The following AHR variants were observed in gnomAD, a reference collection of about 807,000 sequenced individuals.
AHR encodes the protein AH-receptor.
AHR carries 40 observed loss-of-function variants against 86.8 expected under a neutral mutation model. That is an observed-to-expected ratio of 0.46 (90% CI 0.36 to 0.60). The LOEUF (loss-of-function observed/expected upper bound fraction) is 0.60, where lower values mean the gene tolerates loss of function less well. AHR is among the 20% of genes least tolerant of loss of function. The pLI, the probability that AHR is intolerant of heterozygous loss-of-function variation, is 0.00. For missense variants in AHR, 1,001 were observed against 1,011.6 expected, an observed-to-expected ratio of 0.99 and a Z score of 0.14; for synonymous variants, 398 against 354.9, an observed-to-expected ratio of 1.12 and a Z score of -1.37.
chr7:17,318,456 T>A (rs1318092873), intron 2 of AHR, among the ~76,000 whole-genome samples: 3 of 152,168 alleles, frequency 2.0e-5, no homozygotes, highest in Non-Finnish European at 2.9e-5. Context: ...TTATTTGTAT[T>A]GTACGACTCC....
At chr7:17,308,113 A>G (rs922248200) in intron 1 of AHR, among the ~76,000 whole-genome samples, 2 of 152,166 alleles carry the variant, frequency 1.3e-5, no homozygotes, top group Non-Finnish European at 1.5e-5. Context: ...CTCCATGACA[A>G]CAGGAGCTTT....
At chr7:17,308,968 T>A (rs1341234113) in intron 1 of AHR, among the ~76,000 whole-genome samples, 1 of 152,242 alleles carries the variant, frequency 6.6e-6, no homozygotes, top group African/African-American at 2.4e-5. Context: ...ATTACTCTTC[T>A]GGCTAACAGG....
At chr7:17,312,469 T>C (rs975427367) in intron 2 of AHR, among the ~76,000 whole-genome samples, 15 of 152,160 alleles carry the variant, frequency 9.9e-5, no homozygotes, top group Non-Finnish European at 2.1e-4. Flanking sequence ...TAAACAGATA[T>C]ATTTCTATAT....
At chr7:17,330,139 C>A in intron 5 of AHR, 64 bp downstream of exon 5, 1 of 1,501,474 alleles carries the variant, frequency 6.7e-7, no homozygotes. Flanking sequence ...TGAAAGGAGG[C>A]TGGGAACCTG....
chr7:17,330,196 G>T, intron 5 of AHR, 121 bp downstream of exon 5: 1 of 999,188 alleles, frequency 1.0e-6, no homozygotes, highest in Non-Finnish European at 1.4e-6. Context: ...AAGATGTAAA[G>T]TCTGCAATCA....
In AHR at chr7:17,340,359, A is replaced by G. The variant is rs1309443248; in HGVS notation, c.2403+131A>G. On this transcript the variant is annotated intron_variant, in intron 10 of 10. Coordinates refer to ENST00000242057, the MANE Select transcript of AHR (RefSeq NM_001621.5). Reference sequence around the variant, plus strand: ...ATTCATGGAGACAGCATTTTTTATTATATCTGTGACTACCTTTTTTTTTTT... The same window carrying G: ...ATTCATGGAGACAGCATTTTTTATTGTATCTGTGACTACCTTTTTTTTTTT... 13 of 1,242,208 alleles carry G rather than the reference A, an allele frequency of 1.0e-5. No homozygotes were observed. The African/African-American group carries it at 1.1e-4, about 10-fold the overall frequency. The allele number at this position is 1,242,208 out of a possible 1,614,324, so 76.9% of individuals were successfully genotyped here.
chr7:17,310,619 C>A (rs1026012928), intron 2 of AHR, among the ~76,000 whole-genome samples: 1 of 151,490 alleles, frequency 6.6e-6, no homozygotes, highest in Admixed American at 6.6e-5. Flanking sequence ...ACTGCAACCT[C>A]TGACTCCCGG....
intron 3 of AHR, among the ~76,000 whole-genome samples, chr7:17,326,919 TAAA>T (rs1258055171): frequency 6.6e-6 from 1 of 152,062 alleles, no homozygotes; most frequent in Non-Finnish European, 1.5e-5. Context: ...CTTGTAGAAT[TAAA>T]ATATATGATA....
At chr7:17,308,805 C>G (rs1416368878) in intron 1 of AHR, among the ~76,000 whole-genome samples, 1 of 152,080 alleles carries the variant, frequency 6.6e-6, no homozygotes, top group East Asian at 1.9e-4. Flanking sequence ...AGTATTACTT[C>G]TCCACATACA....
intron 1 of AHR, among the ~76,000 whole-genome samples, chr7:17,302,745 A>C (rs1417636074): frequency 6.6e-6 from 1 of 151,794 alleles, no homozygotes; most frequent in Non-Finnish European, 1.5e-5. Context: ...AAGTTTCTTG[A>C]CCAATAAAGC....
intron 2 of AHR, among the ~76,000 whole-genome samples, chr7:17,319,272 G>C (rs1642079892): frequency 6.6e-6 from 1 of 151,984 alleles, no homozygotes; most frequent in Non-Finnish European, 1.5e-5. Flanking sequence ...CATTACCCTG[G>C]TATTGTACAT....
intron 1 of AHR, among the ~76,000 whole-genome samples, chr7:17,306,748 C>T (rs1782009930): frequency 6.6e-6 from 1 of 152,110 alleles, no homozygotes; most frequent in Non-Finnish European, 1.5e-5. Context: ...CTCTTCCTTA[C>T]TTCCTATAGT....
At chr7:17,308,807 C>G (rs1358451954) in intron 1 of AHR, among the ~76,000 whole-genome samples, 1 of 152,036 alleles carries the variant, frequency 6.6e-6, no homozygotes, top group Non-Finnish European at 1.5e-5. Context: ...TATTACTTCT[C>G]CACATACATC....
Position 17,298,987 on chromosome 7 carries a change from G to C in AHR, c.-278G>C, listed in dbSNP as rs542258665. On this transcript the variant is annotated 5_prime_UTR_variant, in exon 1 of 11. Transcript: ENST00000242057. ...CCGCGCCGCCTCCGCCGGTGTAGAC[G>C]GCACCTGCGCCGCCTTGCTCGCGGG... The C allele has an allele frequency of 3.5e-4, 158 of 455,164 alleles. 1 individual carries two copies. The highest frequency in any genetic ancestry group is 2.7e-3 in the African/African-American group (134 of 48,886). The allele number at this position is 455,164 out of a possible 1,614,324, so 28.2% of individuals were successfully genotyped here. A position where few individuals can be genotyped will look rare whatever the true frequency, so the allele number is the denominator to read the frequency against.
At chr7:17,306,966 G>A (rs991185857) in intron 1 of AHR, among the ~76,000 whole-genome samples, 2 of 152,120 alleles carry the variant, frequency 1.3e-5, no homozygotes, top group Admixed American at 1.3e-4. Flanking sequence ...AGAAATAAGG[G>A]TGTTAGGCAA....
At chr7:17,330,699 G>C in intron 5 of AHR, 57 bp from the exon 6 acceptor site, 1 of 1,462,014 alleles carries the variant, frequency 6.8e-7, no homozygotes, top group Non-Finnish European at 9.1e-7. Context: ...ACCTATTCAA[G>C]TGCTTAATTT....
In AHR at chr7:17,339,471, A is replaced by G. The variant is rs1367181021; in HGVS notation, c.1646A>G (p.Asp549Gly). The G allele has an allele frequency of 5.0e-6, 8 of 1,614,088 alleles. No individual in the cohort carries two copies. Among genetic ancestry groups the G allele is most frequent in the Non-Finnish European group, 6.8e-6 (8 of 1,180,048 alleles). ...LYSIMKNLGIDFEDIRHMQNE... is the reference protein window; with the variant it reads ...LYSIMKNLGIGFEDIRHMQNE... ...AGCATAATGAAAAACCTAGGCATTG[A>G]TTTTGAAGACATCAGACACATGCAG... is the stretch of plus-strand genomic sequence containing the variant. Residue 549 changes from aspartate to glycine, a missense_variant, in exon 10 of 11, where the codon GAT becomes GGT. Asp to Gly is a moderately conservative substitution (Grantham distance 94). This residue lies in a region of AHR where 607 missense variants were observed against 543.1 expected (regional missense o/e 1.12). Transcript: ENST00000242057.
intron 1 of AHR, among the ~76,000 whole-genome samples, chr7:17,303,081 T>C (rs1332546106): frequency 6.6e-6 from 1 of 152,094 alleles, no homozygotes; most frequent in African/African-American, 2.4e-5. Context: ...CAACAGTACC[T>C]TTCTACTTTT....
At chr7:17,302,829 A>G (rs1781968195) in intron 1 of AHR, among the ~76,000 whole-genome samples, 1 of 151,692 alleles carries the variant, frequency 6.6e-6, no homozygotes, top group Non-Finnish European at 1.5e-5. Context: ...ATATATATAA[A>G]CTGTGAAGAC....
Sources: allele counts gnomAD v4.1 joint callset (sites outside exome capture counted in the v4.1 genomes callset), GRCh38; gene constraint gnomAD v4.1.1; regional missense constraint gnomAD v4.1.1; transcripts MANE v1.5; gene names NCBI Gene and HGNC (gene_info 2026-07-23, HGNC 2026-07-21).